The following METTL9 variants were observed in gnomAD, a reference collection of about 807,000 sequenced individuals.
METTL9 encodes the protein methyltransferase 9, His-X-His N1(pi)-histidine, also known as protein-L-histidine N-pros-methyltransferase.
A neutral mutation model predicts 36.0 loss-of-function variants in METTL9; 10 were observed. That is an observed-to-expected ratio of 0.28 (90% CI 0.17 to 0.47). The LOEUF is 0.47. Ranked by LOEUF, METTL9 falls within the 20% of genes least tolerant of loss-of-function variation. The pLI, the probability that METTL9 is intolerant of heterozygous loss-of-function variation, is 0.99. For missense variants in METTL9, 246 were observed against 383.5 expected (o/e 0.64, Z 3.00); for synonymous variants, 175 against 149.7 (o/e 1.17, Z -1.23).
intron 4 of METTL9, chr16:21,641,602 A>C: frequency 6.5e-7 from 1 of 1,537,318 alleles, no homozygotes. Flanking sequence ...TCCTGCAATA[A>C]TAAATAAATA....
intron 2 of METTL9, among the ~76,000 whole-genome samples, chr16:21,617,193 T>G (rs887243904): frequency 2.0e-5 from 3 of 148,296 alleles, no homozygotes; most frequent in Admixed American, 6.7e-5. Context: ...CAGAGGCGGG[T>G]GGATCACGAG....
chr16:21,616,980 C>G (rs1303109231), intron 2 of METTL9, among the ~76,000 whole-genome samples: 2 of 152,066 alleles, frequency 1.3e-5, no homozygotes, highest in African/African-American at 2.4e-5. Flanking sequence ...TTCTTCCTTC[C>G]CCTGTCATCC....
intron 4 of METTL9, chr16:21,652,676 C>G (rs1461073999): frequency 7.2e-6 from 8 of 1,107,254 alleles, no homozygotes; most frequent in Non-Finnish European, 1.1e-5. Flanking sequence ...GGAAGAAGAG[C>G]TGAAGAGAGG....
At chr16:21,626,543 T>C (rs754647711) in intron 4 of METTL9, among the ~76,000 whole-genome samples, 9 of 152,194 alleles carry the variant, frequency 5.9e-5, no homozygotes, top group Non-Finnish European at 1.2e-4. Flanking sequence ...TAGAAGGGTG[T>C]GGAAAAGAGC....
chr16:21,653,572 G>A (rs1354363086), intron 4 of METTL9: 1 of 152,302 alleles, frequency 6.6e-6, no homozygotes, highest in African/African-American at 2.4e-5. Context: ...TGAATCTTGT[G>A]TGGGGTCCAC....
intron 4 of METTL9, among the ~76,000 whole-genome samples, chr16:21,631,174 C>T (rs543998562): frequency 2.6e-5 from 4 of 152,204 alleles, no homozygotes; most frequent in East Asian, 1.9e-4. Flanking sequence ...CTGGCTATTC[C>T]GGTTCCTGTA....
At chr16:21,627,285 T>C in intron 4 of METTL9, 1 of 985,348 alleles carries the variant, frequency 1.0e-6, no homozygotes, top group African/African-American at 1.7e-5. Context: ...TTTGCATACT[T>C]GGCTTAATTT....
At chr16:21,638,964 G>C (rs1478002751) in intron 4 of METTL9, among the ~76,000 whole-genome samples, 1 of 152,200 alleles carries the variant, frequency 6.6e-6, no homozygotes, top group Admixed American at 6.5e-5. Context: ...TCCTTTTGGT[G>C]TGGGTTTGGT....
chr16:21,614,408 C>A (rs1407586091), intron 2 of METTL9, among the ~76,000 whole-genome samples: 1 of 152,088 alleles, frequency 6.6e-6, no homozygotes, highest in Non-Finnish European at 1.5e-5. Flanking sequence ...TTTCCTCTAC[C>A]CATAAGACCC....
intron 4 of METTL9, chr16:21,641,486 G>T: frequency 3.6e-6 from 4 of 1,115,064 alleles, no homozygotes; most frequent in Non-Finnish European, 5.4e-6. Context: ...CACTGCCATA[G>T]CTCCTGGAGT....
chr16:21,631,653 C>T (rs1420147731), intron 4 of METTL9, among the ~76,000 whole-genome samples: 1 of 152,086 alleles, frequency 6.6e-6, no homozygotes, highest in African/African-American at 2.4e-5. Context: ...CTGATTGGAC[C>T]TTTGTATGGT....
rs994210710 is a variant in METTL9, at chr16:21,657,458, C to T, written c.*2026C>T. 1.3e-5 allele frequency: 2 copies of T among 152,092 alleles called. No individual in the cohort carries two copies. The highest frequency in any genetic ancestry group is 4.8e-5 in the African/African-American group (2 of 41,402). 9.4% of individuals were successfully genotyped at this position (152,092 alleles called of 1,614,324 possible). ...TCTCCCCCAAAGTACAATAAAGCTG[C>T]CTTGTCTGCACCATTCCTCGTGTAA... On this transcript the variant is annotated 3_prime_UTR_variant, in exon 5 of 5. Transcript: ENST00000358154.
chr16:21,617,290 C>A (rs548713100), intron 2 of METTL9, among the ~76,000 whole-genome samples: 1 of 151,224 alleles, frequency 6.6e-6, no homozygotes. Context: ...TGGTGGCGGG[C>A]GCCTGTAGTC....
At chr16:21,609,313 T>C (rs1459183973) in intron 1 of METTL9, among the ~76,000 whole-genome samples, 1 of 152,154 alleles carries the variant, frequency 6.6e-6, no homozygotes, top group Non-Finnish European at 1.5e-5. Context: ...ACATTTATTG[T>C]TTGTCTGTAT....
chr16:21,612,590 G>A, intron 1 of METTL9, 55 bp from the exon 2 acceptor site: 1 of 1,416,050 alleles, frequency 7.1e-7, no homozygotes. Flanking sequence ...GATTTCTTAG[G>A]TGACACTTCG....
chr16:21,621,149 A>AGAGTGTGT (rs1555489994), intron 3 of METTL9, among the ~76,000 whole-genome samples: 13 of 144,710 alleles, frequency 9.0e-5, no homozygotes, highest in East Asian at 4.1e-4. Flanking sequence ...TGAGAGAGAG[A>AGAGTGTGT]GTGTGTGTGT....
intron 1 of METTL9, among the ~76,000 whole-genome samples, chr16:21,611,188 C>G (rs963706207): frequency 1.3e-5 from 2 of 152,132 alleles, no homozygotes; most frequent in African/African-American, 2.4e-5. Flanking sequence ...TAGTCCACAA[C>G]TGGAAAGGTT....
At chr16:21,654,253 G>A (rs942647027) in intron 4 of METTL9, 3 of 151,860 alleles carry the variant, frequency 2.0e-5, no homozygotes, top group Non-Finnish European at 2.9e-5. Flanking sequence ...CACTGTGTTA[G>A]TCAGGATGGT....
At chr16:21,651,084 G>A (rs560489513) in intron 4 of METTL9, among the ~76,000 whole-genome samples, 6 of 152,224 alleles carry the variant, frequency 3.9e-5, no homozygotes, top group Admixed American at 1.3e-4. Context: ...TTAGCCGGGT[G>A]TGGTGGCAGA....
Sources: gnomAD v4.1 joint callset for allele counts (sites outside exome capture counted in the v4.1 genomes callset) on GRCh38, gnomAD v4.1.1 for gene constraint, MANE v1.5 for transcripts, NCBI Gene and HGNC (gene_info 2026-07-23, HGNC 2026-07-21) for gene names.